Variants in ADAM11 observed in about 807,000 individuals in gnomAD.
ADAM11 encodes the protein ADAM metallopeptidase domain 11, also known as disintegrin and metalloproteinase domain-containing protein 11.
A neutral mutation model predicts 119.1 loss-of-function variants in ADAM11; 49 were observed. The ratio of observed to expected loss-of-function variants is 0.41; its 90% CI spans 0.33 to 0.52. ADAM11 has a LOEUF of 0.52. Among genes scored for constraint, ADAM11 ranks in the 20% least tolerant of loss-of-function variants. The pLI, the probability that ADAM11 is intolerant of heterozygous loss-of-function variation, is 0.20. For synonymous variants in ADAM11, 364 were observed against 408.0 expected, an observed-to-expected ratio of 0.89 and a Z score of 1.30; for missense variants, 777 against 1,047.5, an observed-to-expected ratio of 0.74 and a Z score of 3.56.
rs1598894789 is a variant in ADAM11, at chr17:44,777,577, A to G, written c.1877A>G (p.His626Arg). 3.7e-6 allele frequency: 6 copies of G among 1,614,116 alleles called. No homozygotes were observed. In the East Asian group the frequency reaches 1.3e-4, roughly 36 times the overall value. Reference protein sequence around the residue: ...VGDISSVTFYHQGKELDCRGG... With the variant: ...VGDISSVTFYRQGKELDCRGG... ...GACATCAGTAGTGTCACCTTCTACCACCAGGGCAAGGAGCTGGACTGCAGG... is the reference window on the plus strand; with the variant it reads ...GACATCAGTAGTGTCACCTTCTACCGCCAGGGCAAGGAGCTGGACTGCAGG... Residue 626 changes from histidine (H) to arginine (R), a missense_variant, in exon 22 of 27, where the codon CAC becomes CGC. By Grantham distance (29) the His-to-Arg change is conservative (BLOSUM62 0). Coordinates refer to ENST00000200557, the MANE Select transcript of ADAM11 (RefSeq NM_002390.6). This position sits in a 1 kb window ranked among gnomAD's most constrained non-coding sequence, Gnocchi z 5.1.
intron 14 of ADAM11, 120 bp downstream of exon 14, chr17:44,774,869 C>A: frequency 1.6e-6 from 2 of 1,247,536 alleles, no homozygotes; most frequent in African/African-American, 1.5e-5. Context: ...CACTCAGGAT[C>A]CCAAGAAGCC....
chr17:44,766,406 C>G (rs2049450978), intron 2 of ADAM11, among the ~76,000 whole-genome samples: 3 of 152,234 alleles, frequency 2.0e-5, no homozygotes, highest in Admixed American at 2.0e-4. Context: ...TTGGCAGAAT[C>G]TTTGCCTTTT....
In ADAM11 at chr17:44,766,746, G is replaced by A. The variant is rs539147609; in HGVS notation, c.238-2972G>A. ...GGAGCATGTGAGAGCCTGGGCAGCC[G>A]GGGGAGCAAGAGACAAGTGCAGGGC... is the stretch of plus-strand genomic sequence containing the variant. On this transcript the variant is annotated intron_variant, in intron 2 of 26. Coordinates refer to ENST00000200557, the MANE Select transcript of ADAM11 (RefSeq NM_002390.6). Among the ~76,000 whole-genome samples, 196 of 152,154 alleles carry A rather than the reference G, an allele frequency of 1.3e-3. 1 individual carries two copies. The highest frequency in any genetic ancestry group is 4.6e-3 in the African/African-American group (189 of 41,502).
chr17:44,771,788 T>C lies in ADAM11; in HGVS notation c.500T>C (p.Ile167Thr). 6.2e-7 allele frequency: 1 copy of C among 1,613,482 alleles called. No homozygotes were observed. Among genetic ancestry groups the C allele is most frequent in the African/African-American group, 1.3e-5 (1 of 75,016 alleles). ...TTCTCTGATGGGAACTTGACTTACA[T>C]CGTGGAGCCCCAAGAGGTGGCTGGA... ...GVFSDGNLTYIVEPQEVAGPW... is the reference protein window; with the variant it reads ...GVFSDGNLTYTVEPQEVAGPW... Residue 167 changes from isoleucine (I) to threonine (T), a missense_variant, in exon 6 of 27, where the codon ATC becomes ACC. Coordinates refer to ENST00000200557, the MANE Select transcript of ADAM11 (RefSeq NM_002390.6).
rs1177622726 is a variant in ADAM11 at position 44,777,563 on chromosome 17, T to G, written c.1863T>G (p.Ser621Arg). The change falls in exon 22 of 27, where the codon AGT (serine) becomes AGG (arginine). Residue 621 changes from serine to arginine, a missense_variant. This residue lies in a region of ADAM11 where 348 missense variants were observed against 486.7 expected (regional missense o/e 0.72). Coordinates refer to ENST00000200557, the MANE Select transcript of ADAM11 (RefSeq NM_002390.6). This position sits in a 1 kb window ranked among gnomAD's most constrained non-coding sequence, Gnocchi z 5.1. The stretch of plus-strand genomic sequence containing the variant: ...GGGACCTGGTGGGAGACATCAGTAG[T>G]GTCACCTTCTACCACCAGGGCAAGG... ...RLGDLVGDIS[S>R]VTFYHQGKEL... The G allele has an allele frequency of 6.2e-7, 1 of 1,614,118 alleles. No individual in the cohort carries two copies. The highest frequency in any genetic ancestry group is 8.5e-7 in the Non-Finnish European group (1 of 1,180,002).
At chr17:44,761,231 C>T (rs2049385679) in intron 2 of ADAM11, among the ~76,000 whole-genome samples, 1 of 152,048 alleles carries the variant, frequency 6.6e-6, no homozygotes, top group African/African-American at 2.4e-5. Context: ...CTGGCTTATG[C>T]TTTAAGGGAT....
Position 44,773,626 on chromosome 17 carries a change from C to T in ADAM11, c.992+199C>T, listed in dbSNP as rs1057224358. Among the ~76,000 whole-genome samples, 3 of 152,144 alleles carry T rather than the reference C, an allele frequency of 2.0e-5. No homozygotes were observed. Among genetic ancestry groups the T allele is most frequent in the African/African-American group, 7.2e-5 (3 of 41,432 alleles). The stretch of plus-strand genomic sequence containing the variant: ...CTGAGGTTGATGCCCTTGTCTTAGC[C>T]CTGGTGGTCCTCTTCTGCCTCTCAC... On this transcript the variant is annotated intron_variant, in intron 11 of 26. Coordinates refer to ENST00000200557, the MANE Select transcript of ADAM11 (RefSeq NM_002390.6). The surrounding 1 kb of genome is among the most constrained non-coding windows in gnomAD (Gnocchi z 4.6).
intron 2 of ADAM11, among the ~76,000 whole-genome samples, chr17:44,762,164 CTG>C: frequency 6.6e-6 from 1 of 152,260 alleles, no homozygotes; most frequent in South Asian, 2.1e-4. Context: ...GATGAGCAAA[CTG>C]AGGCTCAGAG....
intron 2 of ADAM11, among the ~76,000 whole-genome samples, chr17:44,763,051 G>A (rs976913098): frequency 9.9e-5 from 15 of 152,054 alleles, no homozygotes; most frequent in Admixed American, 2.6e-4. Context: ...CTGCAGGATC[G>A]CTTGAGTCCA....
chr17:44,774,099 AAAAGAAAAAG>A (rs2045137197), intron 11 of ADAM11, among the ~76,000 whole-genome samples, 186 bp from the exon 12 acceptor site: 1 of 151,932 alleles, frequency 6.6e-6, no homozygotes, highest in Non-Finnish European at 1.5e-5. Context: ...CTCAAAAGAA[AAAAGAAAAAG>A]AAAGAAAAAA....
chr17:44,769,611 A>C, intron 2 of ADAM11, 107 bp from the exon 3 acceptor site: 1 of 751,884 alleles, frequency 1.3e-6, no homozygotes, highest in Non-Finnish European at 2.3e-6. Context: ...CTCAGCTGCT[A>C]GGGCTGGCCA....
chr17:44,771,748 C>G lies in ADAM11; in HGVS notation c.468-8C>G. On this transcript the variant is annotated splice_polypyrimidine_tract_variant and splice_region_variant and intron_variant, in intron 5 of 26. Transcript: ENST00000200557. The stretch of plus-strand genomic sequence containing the variant: ...GGACGGAGGGGAGCTGCGCCTCTCT[C>G]TCCACAGTGGGGTCTTCTCTGATGG... 6.2e-7 allele frequency: 1 copy of G among 1,613,686 alleles called. No homozygotes were observed. The highest frequency in any genetic ancestry group is 1.1e-5 in the South Asian group (1 of 91,018).
chr17:44,769,308 G>A (rs2049488636), intron 2 of ADAM11, among the ~76,000 whole-genome samples: 1 of 152,312 alleles, frequency 6.6e-6, no homozygotes, highest in East Asian at 1.9e-4. Context: ...TTTCCTGTTT[G>A]TCCCTTTCCC....
Position 44,772,439 on chromosome 17 carries a change from C to T in ADAM11, c.651C>T (p.Asn217=), listed in dbSNP as rs774763528. Residue 217 remains asparagine (N), a synonymous_variant, in exon 8 of 27, where the codon AAC becomes AAT. Coordinates refer to ENST00000200557, the MANE Select transcript of ADAM11 (RefSeq NM_002390.6). This position sits in a 1 kb window ranked among gnomAD's most constrained non-coding sequence, Gnocchi z 4.5. ...FAVPAQSAPP[N]RPRLRRKRQV... is the part of the protein sequence containing the mutation. ...TGCCTGCCCAGTCGGCTCCTCCAAA[C>T]CGGCCGAGGCTGAGAAGGAAAAGGC... The T allele has an allele frequency of 1.3e-6, 2 of 1,576,364 alleles. No homozygotes were observed. Among genetic ancestry groups the T allele is most frequent in the Non-Finnish European group, 1.7e-6 (2 of 1,160,608 alleles).
Position 44,759,183 on chromosome 17 carries a change from G to C in ADAM11, c.-17G>C, listed in dbSNP as rs2049357930. ...GCTGGCAGCCGCAGCCCCCGGACCG[G>C]GAGGAATGAGCGAGCCATGAGGCTG... On this transcript the variant is annotated 5_prime_UTR_variant, in exon 1 of 27. Transcript: ENST00000200557. The C allele has an allele frequency of 7.6e-7, 1 of 1,321,058 alleles. No homozygotes were observed. Among genetic ancestry groups the C allele is most frequent in the Non-Finnish European group, 9.7e-7 (1 of 1,030,710 alleles). 81.8% of individuals were successfully genotyped at this position (1,321,058 alleles called of 1,614,324 possible).
intron 25 of ADAM11, among the ~76,000 whole-genome samples, chr17:44,778,520 C>T (rs928980782): frequency 1.3e-4 from 20 of 151,600 alleles, no homozygotes; most frequent in African/African-American, 4.1e-4. Flanking sequence ...GGTGAAACCC[C>T]GTCTCTATTA....
In ADAM11 at chr17:44,781,019, G is replaced by C. The variant is rs1002934819; in HGVS notation, c.*1265G>C. 5.9e-5 allele frequency: 9 copies of C among 152,674 alleles called. No homozygotes were observed. The highest frequency in any genetic ancestry group is 7.3e-5 in the Non-Finnish European group (5 of 68,078). 9.5% of individuals were successfully genotyped at this position (152,674 alleles called of 1,614,324 possible). Reference sequence around the variant, plus strand: ...GCCTTCCCTCATGACCCTTGCTTGGGAGGGTGGAGCACTGGCTCCTTGACC... The same window carrying C: ...GCCTTCCCTCATGACCCTTGCTTGGCAGGGTGGAGCACTGGCTCCTTGACC... On this transcript the variant is annotated 3_prime_UTR_variant, in exon 27 of 27. Transcript: ENST00000200557.
chr17:44,771,740 G>A lies in ADAM11; in HGVS notation c.468-16G>A, dbSNP rs1598888791. On this transcript the variant is annotated splice_polypyrimidine_tract_variant and intron_variant, in intron 5 of 26. Coordinates refer to ENST00000200557, the MANE Select transcript of ADAM11 (RefSeq NM_002390.6). ...AGGCCTGGGGACGGAGGGGAGCTGC[G>A]CCTCTCTCTCCACAGTGGGGTCTTC... 4 of 1,613,152 alleles carry A rather than the reference G, an allele frequency of 2.5e-6. No homozygotes were observed. Among genetic ancestry groups the A allele is most frequent in the South Asian group, 1.1e-5 (1 of 90,888 alleles).
At position 44,776,754 on chromosome 17, in the gene ADAM11, A is replaced by G; in HGVS notation, c.1576A>G (p.Asn526Asp). ...ACCCCTCTCTCCACAGTGCCCGCCTAACCTGCACAAGCTGGACGGTTACTA... is the reference window on the plus strand; with the variant it reads ...ACCCCTCTCTCCACAGTGCCCGCCTGACCTGCACAAGCTGGACGGTTACTA... ...CTGDSSQCPP[N>D]LHKLDGYYCD... The change falls in exon 19 of 27, where the codon AAC becomes GAC. Residue 526 changes from asparagine to aspartate, a missense_variant. Asn to Asp is a conservative substitution (Grantham distance 23). This residue lies in a region of ADAM11 where 348 missense variants were observed against 486.7 expected (regional missense o/e 0.72). Transcript: ENST00000200557. This position sits in a 1 kb window ranked among gnomAD's most constrained non-coding sequence, Gnocchi z 5.2. 6.2e-7 allele frequency: 1 copy of G among 1,614,090 alleles called. No homozygotes were observed.
Sources: gnomAD v4.1 joint callset for allele counts (sites outside exome capture counted in the v4.1 genomes callset) on GRCh38, gnomAD v4.1.1 for gene constraint, gnomAD v4.1.1 regional missense constraint, Gnocchi (gnomAD v3.1) non-coding constraint, MANE v1.5 for transcripts, NCBI Gene and HGNC (gene_info 2026-07-23, HGNC 2026-07-21) for gene names.